Variants in IDE observed in about 807,000 individuals in gnomAD.
The protein encoded by IDE is insulin-degrading enzyme.
A neutral mutation model predicts 133.2 loss-of-function variants in IDE; 58 were observed. The ratio of observed to expected loss-of-function variants is 0.44; its 90% CI spans 0.35 to 0.54. The LOEUF (loss-of-function observed/expected upper bound fraction) is 0.54, where lower values mean the gene tolerates loss of function less well. Among genes scored for constraint, IDE ranks in the 20% least tolerant of loss-of-function variants. The pLI is 0.00. For synonymous variants in IDE, 396 were observed against 421.3 expected (o/e 0.94, Z 0.73); for missense variants, 981 against 1,234.0 (o/e 0.79, Z 3.07).
intron 11 of IDE, among the ~76,000 whole-genome samples, chr10:92,501,506 C>T (rs1421139909): frequency 6.9e-6 from 1 of 144,980 alleles, no homozygotes; most frequent in East Asian, 2.1e-4. Flanking sequence ...CCTGTCTCTA[C>T]TAAAAATACA....
chr10:92,565,458 T>C (rs1244270959), intron 1 of IDE, among the ~76,000 whole-genome samples: 3 of 150,616 alleles, frequency 2.0e-5, no homozygotes, highest in Admixed American at 6.6e-5. Context: ...TTTGTTCTTT[T>C]CTCAAGACCC....
chr10:92,490,694 A>C, intron 11 of IDE, 99 bp from the exon 12 acceptor site: 1 of 744,364 alleles, frequency 1.3e-6, no homozygotes, highest in African/African-American at 1.7e-5. Flanking sequence ...ATATCCAAGA[A>C]TGTGCTGGGC....
intron 3 of IDE, among the ~76,000 whole-genome samples, 159 bp from the exon 4 acceptor site, chr10:92,532,076 G>A (rs1564655374): frequency 6.6e-6 from 1 of 152,048 alleles, no homozygotes; most frequent in Non-Finnish European, 1.5e-5. Flanking sequence ...TAAAATAAGT[G>A]CTATGTAACA....
intron 22 of IDE, among the ~76,000 whole-genome samples, chr10:92,457,999 G>A (rs1458280031): frequency 2.0e-5 from 3 of 152,240 alleles, no homozygotes; most frequent in East Asian, 3.9e-4. Flanking sequence ...TGCTTCCAAA[G>A]ATCTCTTCTC....
At chr10:92,556,600 C>A (rs1352670576) in intron 1 of IDE, among the ~76,000 whole-genome samples, 5 of 151,760 alleles carry the variant, frequency 3.3e-5, no homozygotes, top group Non-Finnish European at 7.4e-5. Context: ...TCTACTAAAA[C>A]TACAAAAATT....
At chr10:92,532,616 T>C (rs966619213) in intron 3 of IDE, among the ~76,000 whole-genome samples, 4 of 152,224 alleles carry the variant, frequency 2.6e-5, no homozygotes, top group East Asian at 1.9e-4. Flanking sequence ...GTAACCAATA[T>C]GCCTTTCTTG....
intron 2 of IDE, 114 bp downstream of exon 2, chr10:92,537,252 G>T: frequency 1.4e-6 from 1 of 711,320 alleles, no homozygotes; most frequent in East Asian, 2.7e-5. Context: ...TATAAAATAA[G>T]GTACATGGAA....
chr10:92,485,125 C>CTTTTTT (rs34615998), intron 13 of IDE, among the ~76,000 whole-genome samples: 37 of 100,858 alleles, frequency 3.7e-4, no homozygotes, highest in African/African-American at 5.9e-4. Context: ...TTCTTTCTTT[C>CTTTTTT]TTTTTTTTTT....
intron 19 of IDE, 96 bp from the exon 20 acceptor site, chr10:92,465,939 T>C: frequency 1.0e-6 from 1 of 996,278 alleles, no homozygotes; most frequent in Non-Finnish European, 1.5e-6. Flanking sequence ...GATGATAATT[T>C]AGACATTAAT....
At chr10:92,473,387 C>CT (rs1447675001) in intron 17 of IDE, among the ~76,000 whole-genome samples, 2 of 151,690 alleles carry the variant, frequency 1.3e-5, no homozygotes, top group Non-Finnish European at 2.9e-5. Flanking sequence ...AAAGTAATTT[C>CT]TTTACATTCA....
At chr10:92,568,815 CAAA>C (rs202095680) in intron 1 of IDE, among the ~76,000 whole-genome samples, 30 of 144,036 alleles carry the variant, frequency 2.1e-4, no homozygotes, top group African/African-American at 4.8e-4. Flanking sequence ...GACTCTTTCT[CAAA>C]AAAAAAAATA....
intron 10 of IDE, among the ~76,000 whole-genome samples, chr10:92,505,298 C>T (rs567006809): frequency 3.5e-4 from 54 of 152,218 alleles, no homozygotes; most frequent in African/African-American, 1.3e-3. Flanking sequence ...AGAATTTCCT[C>T]CTAAATTTCT....
chr10:92,515,578 T>TTTTA (rs1848871808), intron 4 of IDE, among the ~76,000 whole-genome samples: 1 of 133,354 alleles, frequency 7.5e-6, no homozygotes, highest in African/African-American at 2.6e-5. Flanking sequence ...TTTTTTTTTT[T>TTTTA]GAGACGGAAT....
chr10:92,511,006 T>C (rs1848595126), intron 5 of IDE, among the ~76,000 whole-genome samples: 1 of 151,514 alleles, frequency 6.6e-6, no homozygotes, highest in East Asian at 1.9e-4. Flanking sequence ...AGCTTGCTTT[T>C]TATTTTATAC....
intron 4 of IDE, among the ~76,000 whole-genome samples, chr10:92,521,371 T>A (rs1849215990): frequency 6.6e-6 from 1 of 152,048 alleles, no homozygotes; most frequent in Non-Finnish European, 1.5e-5. Context: ...CAGAGGAACT[T>A]GTTAAACTAC....
At chr10:92,503,126 G>A (rs1434805646) in intron 11 of IDE, among the ~76,000 whole-genome samples, 1 of 151,978 alleles carries the variant, frequency 6.6e-6, no homozygotes, top group African/African-American at 2.4e-5. Flanking sequence ...GGCTCAGTAA[G>A]AAAAAAGAAA....
intron 1 of IDE, among the ~76,000 whole-genome samples, chr10:92,572,362 A>G (rs1199003181): frequency 6.6e-6 from 1 of 152,220 alleles, no homozygotes; most frequent in Non-Finnish European, 1.5e-5. Flanking sequence ...TCTTTTGCAC[A>G]TTATAGGAGA....
chr10:92,567,116 C>A (rs1346308877), intron 1 of IDE, among the ~76,000 whole-genome samples: 8 of 152,178 alleles, frequency 5.3e-5, no homozygotes, highest in Non-Finnish European at 8.8e-5. Flanking sequence ...CACTACCCTA[C>A]GGGACCTGAG....
At position 92,531,933 on chromosome 10, in the gene IDE, A is replaced by G. The variant is rs572584186; in HGVS notation, c.492-16T>C. The G allele has an allele frequency of 2.0e-6, 3 of 1,467,440 alleles. No homozygotes were observed. The highest frequency in any genetic ancestry group is 2.8e-5 in the African/African-American group (2 of 70,836). The allele number at this position is 1,467,440 out of a possible 1,614,324, so 90.9% of individuals were successfully genotyped here. On this transcript the variant is annotated splice_polypyrimidine_tract_variant and intron_variant, in intron 3 of 24. Coordinates refer to ENST00000265986, the MANE Select transcript of IDE (RefSeq NM_004969.4). ...CTGTGCAAACCTAAGGGTACGAAAC[A>G]TAATTAAAACTTGAAAGATGTCATT... is the stretch of plus-strand genomic sequence containing the variant.
Sources: gnomAD v4.1 joint callset for allele counts (sites outside exome capture counted in the v4.1 genomes callset) on GRCh38, gnomAD v4.1.1 for gene constraint, MANE v1.5 for transcripts, NCBI Gene and HGNC (gene_info 2026-07-23, HGNC 2026-07-21) for gene names.